MRC2: variants seen among roughly 807,000 people sequenced by gnomAD.
MRC2 encodes mannose receptor C-type 2.
Under a neutral mutation model 206.2 loss-of-function variants are expected in MRC2, and 84 were observed. The observed-to-expected ratio is 0.41, with a 90% CI of 0.34 to 0.49. The LOEUF (loss-of-function observed/expected upper bound fraction) is 0.49, where lower values mean the gene tolerates loss of function less well. MRC2 is among the 20% of genes least tolerant of loss of function. The pLI, the probability that MRC2 is intolerant of heterozygous loss-of-function variation, is 0.31. For synonymous variants in MRC2, 798 were observed against 800.0 expected (o/e 1.00, Z 0.04); for missense variants, 1,676 against 2,001.5 (o/e 0.84, Z 3.10).
chr17:62,681,743 C>T lies in MRC2; in HGVS notation c.2703-94C>T, dbSNP rs897663258. The T allele has an allele frequency of 3.0e-6, 3 of 992,872 alleles. No individual in the cohort carries two copies. The African/African-American group carries it at 4.9e-5, about 16-fold the overall frequency. 61.5% of individuals were successfully genotyped at this position (992,872 alleles called of 1,614,324 possible). A position where few individuals can be genotyped will look rare whatever the true frequency, so the allele number is the denominator to read the frequency against. On this transcript the variant is annotated intron_variant, in intron 18 of 29. Transcript: ENST00000303375. ...ACTAAACCCCAGAACCTGGGCCCTT[C>T]CCTGCCCCCATTCCTGCGGCCTTCA...
chr17:62,633,502 CAAAAAA>C (rs999150702), intron 1 of MRC2, among the ~76,000 whole-genome samples: 3 of 73,528 alleles, frequency 4.1e-5, no homozygotes, highest in South Asian at 5.5e-4. Context: ...GACTCCGTCT[CAAAAAA>C]AAAAAAAAAA....
intron 1 of MRC2, among the ~76,000 whole-genome samples, chr17:62,651,000 C>T (rs537992742): frequency 6.6e-6 from 1 of 152,232 alleles, no homozygotes; most frequent in South Asian, 2.1e-4. Context: ...CTTAACCTTT[C>T]TGTGTTCAGT....
chr17:62,658,539 A>G (rs1038992103), intron 1 of MRC2, among the ~76,000 whole-genome samples: 65 of 152,236 alleles, frequency 4.3e-4, no homozygotes, highest in African/African-American at 1.5e-3. Context: ...ACCCTGGGAA[A>G]AGCCCCTCCC....
chr17:62,690,907 C>G (rs777375999), intron 27 of MRC2, 42 bp from the exon 28 acceptor site: 2 of 1,527,656 alleles, frequency 1.3e-6, no homozygotes, highest in South Asian at 2.5e-5. Context: ...CCTACTCCTG[C>G]CCCACCTTGT....
rs2088905740 is a variant in MRC2, at chr17:62,677,336, C to T, written c.1902C>T (p.Asn634=). Residue 634 remains asparagine, a synonymous_variant, in exon 12 of 30, where the codon AAC becomes AAT. Coordinates refer to ENST00000303375, the MANE Select transcript of MRC2 (RefSeq NM_006039.5). The part of the protein sequence containing the change: ...GSAMGLWEVK[N]CTSFRARYIC... ...CCATGGGGCTGTGGGAGGTGAAGAA[C>T]TGTACCTCGTTCCGGGCCCGCTACA... The T allele has an allele frequency of 6.2e-7, 1 of 1,608,668 alleles. No individual in the cohort carries two copies. Among genetic ancestry groups the T allele is most frequent in the Non-Finnish European group, 8.5e-7 (1 of 1,178,280 alleles).
Position 62,666,030 on chromosome 17 carries a change from CGA to C in MRC2, c.521-62_521-61del. On this transcript the variant is annotated intron_variant, in intron 2 of 29. Coordinates refer to ENST00000303375, the MANE Select transcript of MRC2 (RefSeq NM_006039.5). The surrounding 1 kb of genome is among the most constrained non-coding windows in gnomAD (Gnocchi z 5.0). The stretch of plus-strand genomic sequence containing the variant: ...GTTTTAGGGGATTTCTCCTGAGGGT[CGA>C]GGGGCTTGGCAGCCTCTGGTGTCCA... 1 of 1,499,868 alleles carries C rather than the reference CGA, an allele frequency of 6.7e-7. No individual in the cohort carries two copies. The highest frequency in any genetic ancestry group is 9.0e-7 in the Non-Finnish European group (1 of 1,115,978). 92.9% of individuals were successfully genotyped at this position (1,499,868 alleles called of 1,614,324 possible).
rs1466856559 is a variant in MRC2 at position 62,690,756 on chromosome 17, C to T, written c.4007C>T (p.Pro1336Leu). The T allele has an allele frequency of 6.2e-7, 1 of 1,604,928 alleles. No homozygotes were observed. Among genetic ancestry groups the T allele is most frequent in the Admixed American group, 1.7e-5 (1 of 58,806 alleles). ...RGAWLGMNFNPKGGTLVWQDN... is the reference protein window; with the variant it reads ...RGAWLGMNFNLKGGTLVWQDN... ...GCCTGGCTGGGCATGAACTTCAACC[C>T]CAAAGGTGGGTGCCCTGTGTGTGGG... Residue 1336 changes from proline to leucine, a missense_variant, in exon 27 of 30, where the codon CCC becomes CTC. This residue lies in a region of MRC2 where 1,354 missense variants were observed against 1,636.6 expected (regional missense o/e 0.83). Coordinates refer to ENST00000303375, the MANE Select transcript of MRC2 (RefSeq NM_006039.5).
intron 27 of MRC2, 59 bp from the exon 28 acceptor site, chr17:62,690,890 T>C (rs2089101830): frequency 1.3e-6 from 2 of 1,505,658 alleles, no homozygotes; most frequent in Non-Finnish European, 1.8e-6. Context: ...ACACCTGCTC[T>C]CCTCCACCTA....
rs537149944 is a variant in MRC2 at position 62,674,146 on chromosome 17, C to T, written c.1545C>T (p.Ala515=). The change falls in exon 9 of 30, where the codon GCC becomes GCT. Residue 515 remains alanine (A), a synonymous_variant. Coordinates refer to ENST00000303375, the MANE Select transcript of MRC2 (RefSeq NM_006039.5). Reference sequence around the variant, plus strand: ...CAGGCCAGCTGAGCCAGGGGGCCGCCGAGGAGGACCATGGCTGCCGGAAGG... The same window carrying T: ...CAGGCCAGCTGAGCCAGGGGGCCGCTGAGGAGGACCATGGCTGCCGGAAGG... The part of the protein sequence containing the change: ...KKAGQLSQGA[A]EEDHGCRKGW... The T allele has an allele frequency of 6.7e-5, 104 of 1,551,980 alleles. 1 individual carries two copies. The South Asian group carries it at 8.2e-4, about 12-fold the overall frequency.
chr17:62,689,826 G>T (rs569389906), intron 24 of MRC2, 66 bp downstream of exon 24: 15 of 1,538,396 alleles, frequency 9.8e-6, no homozygotes, highest in African/African-American at 5.5e-5. Flanking sequence ...GCCCCTTCCT[G>T]CCCCCGCCTT....
chr17:62,632,794 C>A (rs1156805108), intron 1 of MRC2, among the ~76,000 whole-genome samples: 1 of 152,200 alleles, frequency 6.6e-6, no homozygotes, highest in Non-Finnish European at 1.5e-5. Flanking sequence ...TGTTTATCTC[C>A]TTCCCAGGGA....
chr17:62,684,050 G>A (rs1568070027), intron 20 of MRC2: 1 of 152,088 alleles, frequency 6.6e-6, no homozygotes, highest in Non-Finnish European at 1.5e-5. Flanking sequence ...CAAAAAAATT[G>A]TCTAAATAAT....
intron 11 of MRC2, among the ~76,000 whole-genome samples, chr17:62,677,045 G>C (rs991861612): frequency 6.6e-6 from 1 of 152,224 alleles, no homozygotes; most frequent in Non-Finnish European, 1.5e-5. Context: ...GGCTCGGTGA[G>C]GTTAAGCAGC....
chr17:62,679,752 C>T (rs1047073715), intron 13 of MRC2, 48 bp from the exon 14 acceptor site: 2 of 1,582,732 alleles, frequency 1.3e-6, no homozygotes, highest in Non-Finnish European at 8.6e-7. Context: ...GGTTCCTGCC[C>T]CTCTCACTTC....
Position 62,666,781 on chromosome 17 carries a change from C to T in MRC2, c.884C>T (p.Thr295Ile). Reference protein sequence around the residue: ...INGLLTGYSSTLWIGLNDLDT... With the variant: ...INGLLTGYSSILWIGLNDLDT... ...GGCCTCCTCACTGGGTACAGCTCCA[C>T]CCTGTGGATCGGCTTGAATGACTTG... The change falls in exon 5 of 30, where the codon ACC becomes ATC. Residue 295 changes from threonine (T) to isoleucine (I), a missense_variant. By Grantham distance (89) the Thr-to-Ile change is moderately conservative (BLOSUM62 -1). Coordinates refer to ENST00000303375, the MANE Select transcript of MRC2 (RefSeq NM_006039.5). The surrounding 1 kb of genome is among the most constrained non-coding windows in gnomAD (Gnocchi z 5.0). 6.2e-7 allele frequency: 1 copy of T among 1,613,840 alleles called. No homozygotes were observed. Among genetic ancestry groups the T allele is most frequent in the Non-Finnish European group, 8.5e-7 (1 of 1,179,936 alleles).
intron 1 of MRC2, among the ~76,000 whole-genome samples, chr17:62,643,688 C>A (rs1008585844): frequency 1.7e-4 from 26 of 152,134 alleles, no homozygotes; most frequent in Non-Finnish European, 2.5e-4. Context: ...ACTAGCAAAA[C>A]AATTTCACCT....
At chr17:62,681,502 A>G (rs2088966192) in intron 18 of MRC2, 1 of 459,640 alleles carries the variant, frequency 2.2e-6, no homozygotes, top group Non-Finnish European at 3.9e-6. Context: ...CCTACTTACC[A>G]TGTACTGGGG....
At position 62,666,730 on chromosome 17, in the gene MRC2, C is replaced by T; in HGVS notation, c.860-27C>T. The T allele has an allele frequency of 2.5e-6, 4 of 1,609,920 alleles. No homozygotes were observed. Among genetic ancestry groups the T allele is most frequent in the Non-Finnish European group, 3.4e-6 (4 of 1,177,504 alleles). ...GGGGGAGGCTGGGGCTGGGGATCCC[C>T]TGTTCAGTGTCCCTCCTTGCTGTCA... On this transcript the variant is annotated intron_variant, in intron 4 of 29. Coordinates refer to ENST00000303375, the MANE Select transcript of MRC2 (RefSeq NM_006039.5). This position sits in a 1 kb window ranked among gnomAD's most constrained non-coding sequence, Gnocchi z 5.0.
chr17:62,650,316 C>G (rs1181860544), intron 1 of MRC2, among the ~76,000 whole-genome samples: 2 of 152,190 alleles, frequency 1.3e-5, no homozygotes, highest in Non-Finnish European at 2.9e-5. Context: ...GGTGGGGGCA[C>G]AAAAGGGATG....
Sources: gnomAD v4.1 joint callset for allele counts (sites outside exome capture counted in the v4.1 genomes callset) on GRCh38, gnomAD v4.1.1 for gene constraint, gnomAD v4.1.1 regional missense constraint, Gnocchi (gnomAD v3.1) non-coding constraint, MANE v1.5 for transcripts, NCBI Gene and HGNC (gene_info 2026-07-23, HGNC 2026-07-21) for gene names.